The following ASAP1 variants were observed in gnomAD, a reference collection of about 807,000 sequenced individuals.
ASAP1 encodes arf-GAP with SH3 domain, ANK repeat and PH domain-containing protein 1.
Under a neutral mutation model 145.2 loss-of-function variants are expected in ASAP1, and 43 were observed. The observed-to-expected ratio is 0.30, with a 90% CI of 0.23 to 0.38. The LOEUF is 0.38. Ranked by LOEUF, ASAP1 falls within the 10% of genes least tolerant of loss-of-function variation. ASAP1 has a pLI of 1.00. For synonymous variants in ASAP1, 546 were observed against 515.5 expected, an observed-to-expected ratio of 1.06 and a Z score of -0.80; for missense variants, 1,018 against 1,355.3, an observed-to-expected ratio of 0.75 and a Z score of 3.91.
chr8:130,352,931 C>T (rs1047283217), intron 3 of ASAP1, among the ~76,000 whole-genome samples: 4 of 152,324 alleles, frequency 2.6e-5, no homozygotes, highest in Admixed American at 2.6e-4. Context: ...AACTTGATTT[C>T]CAGTTTCCAT....
intron 1 of ASAP1, among the ~76,000 whole-genome samples, chr8:130,416,330 A>G (rs1453034542): frequency 9.2e-5 from 14 of 152,262 alleles, no homozygotes. Context: ...CTTCAGGGAA[A>G]CAAGACGCCG....
chr8:130,141,313 ACT>A (rs1334385356), intron 13 of ASAP1, among the ~76,000 whole-genome samples: 1 of 151,762 alleles, frequency 6.6e-6, no homozygotes, highest in Non-Finnish European at 1.5e-5. Flanking sequence ...AGCTCCTGTC[ACT>A]CTGAGTTGTT....
At chr8:130,275,874 A>G (rs1398217549) in intron 3 of ASAP1, among the ~76,000 whole-genome samples, 1 of 152,230 alleles carries the variant, frequency 6.6e-6, no homozygotes, top group Non-Finnish European at 1.5e-5. Context: ...AGAACAACAG[A>G]ACTGGAGGAG....
intron 3 of ASAP1, among the ~76,000 whole-genome samples, chr8:130,286,441 C>T (rs1235182559): frequency 2.6e-5 from 4 of 152,154 alleles, no homozygotes; most frequent in Non-Finnish European, 5.9e-5. Flanking sequence ...TTCACAAAAT[C>T]GGGAGTCACA....
At chr8:130,296,670 C>T (rs1363301482) in intron 3 of ASAP1, among the ~76,000 whole-genome samples, 2 of 152,040 alleles carry the variant, frequency 1.3e-5, no homozygotes, top group Non-Finnish European at 2.9e-5. Flanking sequence ...AGCTCTGTGC[C>T]ACAGAATTAA....
intron 18 of ASAP1, among the ~76,000 whole-genome samples, chr8:130,123,128 G>A (rs2097569222): frequency 6.6e-6 from 1 of 152,140 alleles, no homozygotes; most frequent in East Asian, 1.9e-4. Flanking sequence ...TTCATCAGAT[G>A]CCTACAGATG....
rs534943609 is a variant in ASAP1, at chr8:130,236,770, C to A, written c.259+152G>T. On this transcript the variant is annotated intron_variant, in intron 4 of 29. Coordinates refer to ENST00000518721, the MANE Select transcript of ASAP1 (RefSeq NM_018482.4). ...ACACTAATAGGTTTGGGCTGACAGT[C>A]GAGATAAGAGAAAAAAAGAGAAATT... The A allele has an allele frequency of 6.7e-4, 367 of 543,832 alleles. 10 individuals carry two copies. The South Asian group carries it at 0.012, about 17-fold the overall frequency. The allele number at this position is 543,832 out of a possible 1,614,324, so 33.7% of individuals were successfully genotyped here. A position where few individuals can be genotyped will look rare whatever the true frequency, so the allele number is the denominator to read the frequency against.
At chr8:130,256,489 T>C (rs906427675) in intron 3 of ASAP1, among the ~76,000 whole-genome samples, 17 of 151,902 alleles carry the variant, frequency 1.1e-4, no homozygotes, top group African/African-American at 2.4e-4. Context: ...AATACAGAGA[T>C]AATCTTGACC....
Position 130,092,143 on chromosome 8 carries a change from C to T in ASAP1, c.2402G>A (p.Gly801Asp). ...GAGTGTTGAAGGTGGGCCAGTTGGA[C>T]CTAGAAAGGAAATTGAATGGGGGCA... ...PPLPPRNAGK[G>D]PTGPPSTLPL... Residue 801 changes from glycine (G) to aspartate (D), a missense_variant and splice_region_variant, in exon 25 of 30, where the codon GGT becomes GAT. By Grantham distance (94) the Gly-to-Asp change is moderately conservative. Around this residue, in one of 9 missense-constraint regions of ASAP1, gnomAD observed 353 missense variants for 375.4 expected, o/e 0.94. Transcript: ENST00000518721. The T allele has an allele frequency of 1.3e-6, 2 of 1,563,594 alleles. No homozygotes were observed. The highest frequency in any genetic ancestry group is 1.7e-6 in the Non-Finnish European group (2 of 1,161,878).
At chr8:130,235,311 T>C (rs1818149125) in intron 4 of ASAP1, among the ~76,000 whole-genome samples, 1 of 152,170 alleles carries the variant, frequency 6.6e-6, no homozygotes, top group South Asian at 2.1e-4. Context: ...TATATTTTTA[T>C]TGGTATATAA....
Position 130,336,412 on chromosome 8 carries a change from G to C in ASAP1, c.186+21605C>G, listed in dbSNP as rs117519109. On this transcript the variant is annotated intron_variant, in intron 3 of 29. Coordinates refer to ENST00000518721, the MANE Select transcript of ASAP1 (RefSeq NM_018482.4). ...GTCCTACCCCAAACCTACCAAATTAGAATCAGCACATAATAAGCTCTCCAG... is the reference window on the plus strand; with the variant it reads ...GTCCTACCCCAAACCTACCAAATTACAATCAGCACATAATAAGCTCTCCAG... 1.3e-3 allele frequency among the ~76,000 whole-genome samples: 192 copies of C among 152,298 alleles called. 3 individuals are homozygous for C. The Middle Eastern group carries it at 0.02, about 16-fold the overall frequency.
At chr8:130,332,222 C>T (rs542484747) in intron 3 of ASAP1, among the ~76,000 whole-genome samples, 1 of 152,198 alleles carries the variant, frequency 6.6e-6, no homozygotes, top group Non-Finnish European at 1.5e-5. Flanking sequence ...CTTTCTGGTG[C>T]TTTTCAATGA....
intron 3 of ASAP1, among the ~76,000 whole-genome samples, chr8:130,340,436 G>T (rs557158276): frequency 6.6e-6 from 1 of 152,186 alleles, no homozygotes; most frequent in Admixed American, 6.5e-5. Context: ...GTTGGGTGTG[G>T]AACAAATCAC....
chr8:130,372,769 A>G (rs1341454042), intron 2 of ASAP1, among the ~76,000 whole-genome samples: 1 of 152,222 alleles, frequency 6.6e-6, no homozygotes, highest in Non-Finnish European at 1.5e-5. Context: ...TTTCTGTTAC[A>G]GGCTGTTGCC....
intron 18 of ASAP1, among the ~76,000 whole-genome samples, chr8:130,119,470 G>A (rs1461533223): frequency 1.3e-5 from 2 of 152,198 alleles, no homozygotes; most frequent in East Asian, 3.8e-4. Flanking sequence ...TTCCGTTCAA[G>A]TGTTTCTGGT....
intron 1 of ASAP1, among the ~76,000 whole-genome samples, chr8:130,416,868 C>G (rs910744955): frequency 4.6e-5 from 7 of 152,218 alleles, no homozygotes; most frequent in Non-Finnish European, 1.0e-4. Flanking sequence ...ATCACGGCAG[C>G]CTGAGCTGAT....
chr8:130,219,827 T>C (rs1294480687), intron 4 of ASAP1, among the ~76,000 whole-genome samples: 2 of 152,222 alleles, frequency 1.3e-5, no homozygotes, highest in Non-Finnish European at 2.9e-5. Context: ...CTTGCTATTG[T>C]AGACCTGCGT....
At chr8:130,185,107 A>C (rs532047342) in intron 7 of ASAP1, among the ~76,000 whole-genome samples, 4 of 152,324 alleles carry the variant, frequency 2.6e-5, no homozygotes, top group African/African-American at 9.6e-5. Context: ...TTATAACAGC[A>C]TAAGTCCCAG....
At chr8:130,370,474 A>C (rs1827163277) in intron 2 of ASAP1, among the ~76,000 whole-genome samples, 1 of 152,220 alleles carries the variant, frequency 6.6e-6, no homozygotes, top group African/African-American at 2.4e-5. Flanking sequence ...TGAGAGAAAT[A>C]CATTTGTTGT....
Sources: allele counts gnomAD v4.1 joint callset (sites outside exome capture counted in the v4.1 genomes callset), GRCh38; gene constraint gnomAD v4.1.1; regional missense constraint gnomAD v4.1.1; transcripts MANE v1.5; gene names NCBI Gene and HGNC (gene_info 2026-07-23, HGNC 2026-07-21).